SMC6: variants seen among roughly 807,000 people sequenced by gnomAD.
The protein encoded by SMC6 is structural maintenance of chromosomes protein 6.
SMC6 carries 79 observed loss-of-function variants against 142.2 expected under a neutral mutation model. The ratio of observed to expected loss-of-function variants is 0.56; its 90% CI spans 0.46 to 0.67. The LOEUF is 0.67. Ranked by LOEUF, SMC6 falls within the 30% of genes least tolerant of loss-of-function variation. SMC6 has a pLI of 0.00. For synonymous variants in SMC6, 411 were observed against 412.4 expected, an observed-to-expected ratio of 1.00 and a Z score of 0.04; for missense variants, 1,072 against 1,284.0, an observed-to-expected ratio of 0.83 and a Z score of 2.52.
At chr2:17,747,130 G>C (rs1670792183) in intron 2 of SMC6, among the ~76,000 whole-genome samples, 1 of 152,136 alleles carries the variant, frequency 6.6e-6, no homozygotes, top group Non-Finnish European at 1.5e-5. Context: ...ACCACCTAGA[G>C]AGCCTAGATT....
intron 22 of SMC6, among the ~76,000 whole-genome samples, chr2:17,695,778 T>A (rs548284660): frequency 6.6e-6 from 1 of 152,130 alleles, no homozygotes; most frequent in Non-Finnish European, 1.5e-5. Flanking sequence ...AGTAAGAAAA[T>A]GAATTACAGA....
chr2:17,708,814 T>C (rs1668676004), intron 16 of SMC6, 61 bp from the exon 17 acceptor site: 2 of 552,170 alleles, frequency 3.6e-6, no homozygotes, highest in Non-Finnish European at 5.3e-6. Context: ...TATATACATA[T>C]GAAAATTGTG....
chr2:17,744,819 G>A (rs930438168), intron 3 of SMC6, among the ~76,000 whole-genome samples: 4 of 152,176 alleles, frequency 2.6e-5, no homozygotes, highest in South Asian at 4.1e-4. Context: ...CACTTTTGCT[G>A]CACTGAGTGA....
chr2:17,695,043 G>C (rs189745775), intron 23 of SMC6, 109 bp downstream of exon 23: 2 of 1,191,722 alleles, frequency 1.7e-6, no homozygotes, highest in Admixed American at 4.2e-5. Flanking sequence ...ATAACTATTT[G>C]CTATAGTAAC....
chr2:17,683,004 G>A (rs1343593991), intron 24 of SMC6, among the ~76,000 whole-genome samples: 1 of 152,014 alleles, frequency 6.6e-6, no homozygotes, highest in Non-Finnish European at 1.5e-5. Context: ...GGAAGGACTA[G>A]GGCTGTCTCG....
intron 23 of SMC6, among the ~76,000 whole-genome samples, chr2:17,685,169 G>A (rs1667395875): frequency 6.8e-6 from 1 of 147,808 alleles, no homozygotes; most frequent in African/African-American, 2.5e-5. Flanking sequence ...GATAACTAGA[G>A]AAGATATAGA....
chr2:17,667,167 T>C (rs1666537584), intron 26 of SMC6, among the ~76,000 whole-genome samples: 1 of 152,236 alleles, frequency 6.6e-6, no homozygotes, highest in Non-Finnish European at 1.5e-5. Context: ...TGTACAGTAA[T>C]GGTTAATGAG....
At chr2:17,707,699 T>C (rs2124963211) in intron 17 of SMC6, among the ~76,000 whole-genome samples, 1 of 152,214 alleles carries the variant, frequency 6.6e-6, no homozygotes, top group Non-Finnish European at 1.5e-5. Context: ...TGTGAAAATA[T>C]AGACTTTAGA....
intron 23 of SMC6, among the ~76,000 whole-genome samples, chr2:17,694,652 T>C (rs1370795139): frequency 1.3e-5 from 2 of 152,210 alleles, no homozygotes; most frequent in Non-Finnish European, 2.9e-5. Context: ...AGATAGCTAA[T>C]TTGCCAAAGT....
In SMC6 at chr2:17,684,120, A is replaced by C. The variant is rs1397624635; in HGVS notation, c.2679-357T>G. On this transcript the variant is annotated intron_variant, in intron 23 of 27. Coordinates refer to ENST00000448223, the MANE Select transcript of SMC6 (RefSeq NM_001142286.2). ...TCACACTGGAAGAAAGGTTTCCTTCAGTGACAGATGCCAATAAAAGAAAAA... is the reference window on the plus strand; with the variant it reads ...TCACACTGGAAGAAAGGTTTCCTTCCGTGACAGATGCCAATAAAAGAAAAA... Among the ~76,000 whole-genome samples the C allele has an allele frequency of 2.6e-5, 4 of 152,334 alleles. No individual in the cohort carries two copies. In the East Asian group the frequency reaches 5.8e-4, roughly 22 times the overall value.
intron 7 of SMC6, among the ~76,000 whole-genome samples, chr2:17,728,726 AG>A (rs780726471): frequency 5.3e-5 from 8 of 151,324 alleles, no homozygotes; most frequent in African/African-American, 9.8e-5. Context: ...ACAATGTCCA[AG>A]AAAAATATAC....
At chr2:17,745,785 A>G (rs1670715372) in intron 3 of SMC6, 42 bp downstream of exon 3, 9 of 1,554,876 alleles carry the variant, frequency 5.8e-6, no homozygotes, top group Non-Finnish European at 6.9e-6. Flanking sequence ...ATGTTACAAG[A>G]AAAACATATC....
rs565443177 is a variant in SMC6 at position 17,742,066 on chromosome 2, C to T, written c.121-337G>A. Among the ~76,000 whole-genome samples the T allele has an allele frequency of 7.2e-5, 11 of 152,162 alleles. No homozygotes were observed. In the East Asian group the frequency reaches 1.2e-3, roughly 16 times the overall value. On this transcript the variant is annotated intron_variant, in intron 3 of 27. Coordinates refer to ENST00000448223, the MANE Select transcript of SMC6 (RefSeq NM_001142286.2). The stretch of plus-strand genomic sequence containing the variant: ...TCCCCAGCCTCTACCCACTAGATGC[C>T]GGCAACACACACCTGCCCCTAAGTT...
chr2:17,691,249 C>T lies in SMC6; in HGVS notation c.2678+3903G>A, dbSNP rs111616136. On this transcript the variant is annotated intron_variant, in intron 23 of 27. Transcript: ENST00000448223. ...AAATGTGTATACACACACACACACA[C>T]ACACACACACACCAGAATACTATTC... 8.7e-3 allele frequency among the ~76,000 whole-genome samples: 1,231 copies of T among 141,852 alleles called. 31 individuals carry two copies. Among genetic ancestry groups the T allele is most frequent in the African/African-American group, 0.03 (1,168 of 38,840 alleles). 93.1% of individuals were successfully genotyped at this position (141,852 alleles called of 152,430 possible).
At position 17,731,834 on chromosome 2, in the gene SMC6, C is replaced by A; in HGVS notation, c.388G>T (p.Ala130Ser). The A allele has an allele frequency of 6.2e-7, 1 of 1,613,808 alleles. No individual in the cohort carries two copies. The highest frequency in any genetic ancestry group is 8.5e-7 in the Non-Finnish European group (1 of 1,179,862). Reference protein sequence around the residue: ...SITLRNRGDDAFKASVYGNSI... With the variant: ...SITLRNRGDDSFKASVYGNSI... ...TTACCATACACACTGGCTTTAAAGG[C>A]ATCATCTCCTCTGTTCCTCAATGTT... The change falls in exon 6 of 28, where the codon GCC (alanine) becomes TCC (serine). Residue 130 changes from alanine (A) to serine (S), a missense_variant. Coordinates refer to ENST00000448223, the MANE Select transcript of SMC6 (RefSeq NM_001142286.2).
intron 22 of SMC6, 60 bp downstream of exon 22, chr2:17,696,229 C>T: frequency 1.9e-6 from 3 of 1,545,126 alleles, no homozygotes; most frequent in East Asian, 4.6e-5. Context: ...AGGGAAAACA[C>T]ACTTTAATAA....
chr2:17,673,186 T>G (rs1035694266), intron 25 of SMC6, among the ~76,000 whole-genome samples: 2 of 152,242 alleles, frequency 1.3e-5, no homozygotes, highest in East Asian at 1.9e-4. Flanking sequence ...TTACTCACCA[T>G]TTAGATACTT....
At chr2:17,731,279 A>G (rs1290196630) in intron 6 of SMC6, 140 bp from the exon 7 acceptor site, 2 of 616,164 alleles carry the variant, frequency 3.2e-6, no homozygotes, top group Non-Finnish European at 5.6e-6. Context: ...ACGTACAAAT[A>G]TGAATGAACA....
chr2:17,727,954 C>G (rs781473928), intron 7 of SMC6, among the ~76,000 whole-genome samples: 6 of 152,048 alleles, frequency 3.9e-5, no homozygotes, highest in Non-Finnish European at 8.8e-5. Context: ...TTCACAAAGC[C>G]CCCCCAGCTC....
Sources: gnomAD v4.1 joint callset for allele counts (sites outside exome capture counted in the v4.1 genomes callset) on GRCh38, gnomAD v4.1.1 for gene constraint, MANE v1.5 for transcripts, NCBI Gene and HGNC (gene_info 2026-07-23, HGNC 2026-07-21) for gene names.